Variants in EZH2 observed in about 807,000 individuals in gnomAD.
EZH2 encodes the protein histone-lysine N-methyltransferase EZH2.
Under a neutral mutation model 98.4 loss-of-function variants are expected in EZH2, and 18 were observed. That is an observed-to-expected ratio of 0.18 (90% CI 0.13 to 0.27). The LOEUF (loss-of-function observed/expected upper bound fraction) is 0.27. EZH2 is among the 10% of genes least tolerant of loss of function. EZH2 has a pLI of 1.00. For synonymous variants in EZH2, 338 were observed against 312.3 expected (o/e 1.08, Z -0.87); for missense variants, 470 against 935.1 (o/e 0.50, Z 6.49).
At chr7:148,879,960 A>G (rs1039032709) in intron 1 of EZH2, among the ~76,000 whole-genome samples, 4 of 152,122 alleles carry the variant, frequency 2.6e-5, no homozygotes, top group East Asian at 1.9e-4. Flanking sequence ...AAAAAATTAA[A>G]TAAGTCACCA....
rs1285260202 is a variant in EZH2, at chr7:148,818,023, T to C, written c.1094A>G (p.Asn365Ser). The change falls in exon 10 of 20, where the codon AAT becomes AGT. Residue 365 changes from asparagine (N) to serine (S), a missense_variant. Around this residue, in one of 6 missense-constraint regions of EZH2, gnomAD observed 192 missense variants for 306.8 expected, o/e 0.63. Coordinates refer to ENST00000320356, the MANE Select transcript of EZH2 (RefSeq NM_004456.5). ...GGGGGTGCTGGGCCTGCTACTGTTA[T>C]TGGGAAGCCGTCCTCTTCTGCGGCC... The part of the protein sequence containing the change: ...PGGRRRGRLP[N>S]NSSRPSTPTI... The C allele has an allele frequency of 1.2e-6, 2 of 1,614,178 alleles. No individual in the cohort carries two copies. Among genetic ancestry groups the C allele is most frequent in the Non-Finnish European group, 1.7e-6 (2 of 1,180,036 alleles).
intron 14 of EZH2, 52 bp downstream of exon 14, chr7:148,814,862 C>G (rs1804138972): frequency 2.5e-6 from 4 of 1,576,734 alleles, no homozygotes; most frequent in African/African-American, 1.4e-5. Flanking sequence ...AAATTGCTAA[C>G]CAAAGACCTA....
intron 3 of EZH2, among the ~76,000 whole-genome samples, chr7:148,834,352 T>TATATATATATATACACAC (rs1321608007): frequency 4.2e-5 from 6 of 143,316 alleles, no homozygotes; most frequent in African/African-American, 1.6e-4. Context: ...TATATATATA[T>TATATATATATATACACAC]ACACACACAC....
chr7:148,819,672 G>T lies in EZH2; in HGVS notation c.923C>A (p.Pro308His). ...RKCNYSFHAT[P>H]NTYKRKNTET... ...TGTGTTCTTCCGCTTATAAGTGTTG[G>T]GTGTTGCATGAAAAGCTGCAAAATA... The change falls in exon 9 of 20, where the codon CCC becomes CAC. Residue 308 changes from proline to histidine, a missense_variant. Pro to His is a moderately conservative substitution (Grantham distance 77, BLOSUM62 -2). This residue lies in a region of EZH2 where 192 missense variants were observed against 306.8 expected (regional missense o/e 0.63). Transcript: ENST00000320356. 6.2e-7 allele frequency: 1 copy of T among 1,613,786 alleles called. No individual in the cohort carries two copies. The highest frequency in any genetic ancestry group is 8.5e-7 in the Non-Finnish European group (1 of 1,179,884).
chr7:148,841,295 C>T (rs188985494), intron 3 of EZH2, among the ~76,000 whole-genome samples: 3 of 151,676 alleles, frequency 2.0e-5, no homozygotes, highest in East Asian at 1.9e-4. Flanking sequence ...TCTATTTCAG[C>T]CTAAATAAAG....
chr7:148,850,957 C>T (rs1486445914), intron 1 of EZH2, among the ~76,000 whole-genome samples: 2 of 152,072 alleles, frequency 1.3e-5, no homozygotes, highest in Non-Finnish European at 2.9e-5. Flanking sequence ...AGAGTCTTCT[C>T]TCTCTCAAAA....
intron 3 of EZH2, among the ~76,000 whole-genome samples, chr7:148,837,226 A>G (rs1811130961): frequency 6.6e-6 from 1 of 152,244 alleles, no homozygotes; most frequent in South Asian, 2.1e-4. Flanking sequence ...AGGGGAAAAC[A>G]TACAATCAAT....
chr7:148,816,639 G>A (rs2129471103), intron 12 of EZH2, 45 bp downstream of exon 12: 1 of 1,451,106 alleles, frequency 6.9e-7, no homozygotes, highest in South Asian at 1.1e-5. Flanking sequence ...TGCCTGCAGT[G>A]TCTATCTATG....
intron 10 of EZH2, chr7:148,817,630 A>G (rs777675060): frequency 1.5e-6 from 1 of 667,378 alleles, no homozygotes; most frequent in Non-Finnish European, 2.5e-6. Context: ...AAAAAAGAAA[A>G]TGGCACAAAG....
At chr7:148,813,810 G>T in intron 15 of EZH2, 149 bp downstream of exon 15, 2 of 820,718 alleles carry the variant, frequency 2.4e-6, no homozygotes, top group Non-Finnish European at 1.9e-6. Context: ...GCATTACCCA[G>T]AGAAAATTAT....
At chr7:148,815,162 T>G (rs1270981261) in intron 13 of EZH2, 123 bp from the exon 14 acceptor site, 1 of 1,222,476 alleles carries the variant, frequency 8.2e-7, no homozygotes, top group Non-Finnish European at 1.1e-6. Flanking sequence ...CTTTACTGAA[T>G]GCATAACATT....
At chr7:148,818,157 A>G (rs367774207) in intron 9 of EZH2, 40 bp from the exon 10 acceptor site, 4 of 1,513,140 alleles carry the variant, frequency 2.6e-6, no homozygotes, top group Non-Finnish European at 2.6e-6. Context: ...CAAAGTTCTA[A>G]AACTCATTTT....
At chr7:148,834,337 T>TTG (rs1481612097) in intron 3 of EZH2, among the ~76,000 whole-genome samples, 7 of 142,754 alleles carry the variant, frequency 4.9e-5, no homozygotes, top group African/African-American at 2.0e-4. Context: ...TGAAAAATCA[T>TTG]TATATATATA....
intron 1 of EZH2, among the ~76,000 whole-genome samples, chr7:148,882,825 T>C (rs1003094679): frequency 1.3e-5 from 2 of 152,254 alleles, no homozygotes; most frequent in African/African-American, 4.8e-5. Context: ...CAAATGAATT[T>C]AAATGTTACA....
In EZH2 at chr7:148,809,093, C is replaced by T. The variant is rs747933788; in HGVS notation, c.2173G>A (p.Glu725Lys). ...IFAKRAIQTG[E>K]ELFFDYRYSQ... is the part of the protein sequence containing the mutation. ...AACCTGTAATCAAAAAACAGCTCTT[C>T]GCCAGTCTGGATGGCTCTCTTGGCA... The change falls in exon 19 of 20, where the codon GAA becomes AAA. Residue 725 changes from glutamate (E) to lysine (K), a missense_variant. Physicochemically the swap from Glu to Lys is moderately conservative, Grantham distance 56. This residue lies in a region of EZH2 where 106 missense variants were observed against 327.2 expected (regional missense o/e 0.32). Transcript: ENST00000320356. 3 of 1,613,980 alleles carry T rather than the reference C, an allele frequency of 1.9e-6. No homozygotes were observed. Among genetic ancestry groups the T allele is most frequent in the African/African-American group, 1.3e-5 (1 of 74,924 alleles).
At chr7:148,865,341 C>T (rs1030092806) in intron 1 of EZH2, among the ~76,000 whole-genome samples, 2 of 152,130 alleles carry the variant, frequency 1.3e-5, no homozygotes, top group Non-Finnish European at 2.9e-5. Context: ...ATTTAACTTA[C>T]ACAAATCTAA....
At chr7:148,873,965 A>G (rs979929318) in intron 1 of EZH2, among the ~76,000 whole-genome samples, 1 of 152,226 alleles carries the variant, frequency 6.6e-6, no homozygotes, top group Non-Finnish European at 1.5e-5. Context: ...CAGAAGCTGA[A>G]CAGCATGTTG....
At chr7:148,834,352 T>TATATATATATACAC (rs1321608007) in intron 3 of EZH2, among the ~76,000 whole-genome samples, 6 of 143,318 alleles carry the variant, frequency 4.2e-5, no homozygotes, top group African/African-American at 1.6e-4. Context: ...TATATATATA[T>TATATATATATACAC]ACACACACAC....
chr7:148,827,460 CA>C (rs767003003), intron 6 of EZH2, among the ~76,000 whole-genome samples, 194 bp from the exon 7 acceptor site: 1 of 152,080 alleles, frequency 6.6e-6, no homozygotes, highest in Non-Finnish European at 1.5e-5. Flanking sequence ...AATTCAAATT[CA>C]AATATGAAAA....
Sources: allele counts gnomAD v4.1 joint callset (sites outside exome capture counted in the v4.1 genomes callset), GRCh38; gene constraint gnomAD v4.1.1; regional missense constraint gnomAD v4.1.1; transcripts MANE v1.5; gene names NCBI Gene and HGNC (gene_info 2026-07-23, HGNC 2026-07-21).